The following SLC23A2 variants were observed in gnomAD, a reference collection of about 807,000 sequenced individuals.
SLC23A2 encodes the protein solute carrier family 23 member 2.
A neutral mutation model predicts 73.3 loss-of-function variants in SLC23A2; 36 were observed. The ratio of observed to expected loss-of-function variants is 0.49; its 90% CI spans 0.38 to 0.65. SLC23A2 has a LOEUF of 0.65. Ranked by LOEUF, SLC23A2 falls within the 30% of genes least tolerant of loss-of-function variation. The pLI, the probability that SLC23A2 is intolerant of heterozygous loss-of-function variation, is 0.00. For synonymous variants in SLC23A2, 343 were observed against 327.3 expected, an observed-to-expected ratio of 1.05 and a Z score of -0.52; for missense variants, 507 against 841.6, an observed-to-expected ratio of 0.60 and a Z score of 4.92.
intron 1 of SLC23A2, among the ~76,000 whole-genome samples, chr20:4,984,342 C>G (rs1306082700): frequency 3.3e-5 from 5 of 152,016 alleles, no homozygotes; most frequent in East Asian, 1.9e-4. Context: ...ATCACAAGGT[C>G]AGGAGATCGA....
chr20:5,003,442 A>G (rs1253009606), upstream of SLC23A2, among the ~76,000 whole-genome samples: 1 of 152,116 alleles, frequency 6.6e-6, no homozygotes, highest in African/African-American at 2.4e-5. Context: ...ACCAGCACCC[A>G]GAGAAAAACT....
chr20:4,962,146 T>TAA (rs11407994), intron 2 of SLC23A2, among the ~76,000 whole-genome samples: 20 of 149,890 alleles, frequency 1.3e-4, no homozygotes, highest in South Asian at 8.4e-4. Context: ...GATATTATTT[T>TAA]AAAAAAAAAA....
rs987443006 is a variant in SLC23A2 at position 4,998,244 on chromosome 20, C to A, written c.-282+3162G>T. On this transcript the variant is annotated intron_variant, in intron 1 of 16. Transcript: ENST00000338244. This position sits in a 1 kb window ranked among gnomAD's most constrained non-coding sequence, Gnocchi z 4.1. The stretch of plus-strand genomic sequence containing the variant: ...AGAACCAGATCTCATTGTCCACATC[C>A]CTACAGTGTGGGCTCCATGTGGGCT... Among the ~76,000 whole-genome samples, 1 of 152,132 alleles carries A rather than the reference C, an allele frequency of 6.6e-6. No homozygotes were observed. Among genetic ancestry groups the A allele is most frequent in the African/African-American group, 2.4e-5 (1 of 41,428 alleles).
chr20:4,896,145 C>T (rs1001654790), intron 6 of SLC23A2, among the ~76,000 whole-genome samples: 11 of 152,106 alleles, frequency 7.2e-5, no homozygotes, highest in African/African-American at 2.7e-4. Flanking sequence ...ACATGGGGTG[C>T]AGCAAACGTG....
chr20:5,001,134 G>T (rs1265724456), intron 1 of SLC23A2, among the ~76,000 whole-genome samples: 8 of 151,858 alleles, frequency 5.3e-5, no homozygotes, highest in Admixed American at 4.6e-4. Context: ...GGCGGGAAGG[G>T]GTGGGTACCC....
intron 2 of SLC23A2, among the ~76,000 whole-genome samples, chr20:4,942,958 A>T (rs193044874): frequency 1.1e-3 from 168 of 151,724 alleles, no homozygotes; most frequent in Non-Finnish European, 2.1e-3. Context: ...GGGCACAGTG[A>T]CTCCCAACGC....
At chr20:4,906,890 A>C (rs1199961516) in intron 4 of SLC23A2, among the ~76,000 whole-genome samples, 2 of 152,168 alleles carry the variant, frequency 1.3e-5, no homozygotes, top group Non-Finnish European at 2.9e-5. Context: ...GGGAGAGGGA[A>C]GGAATGCACA....
At chr20:4,903,922 C>T (rs140309891) in intron 4 of SLC23A2, among the ~76,000 whole-genome samples, 8 of 152,244 alleles carry the variant, frequency 5.3e-5, no homozygotes, top group East Asian at 1.9e-4. Flanking sequence ...GTCCAAACCC[C>T]GCACATTTCA....
chr20:4,977,337 T>C (rs1221651692), intron 1 of SLC23A2, among the ~76,000 whole-genome samples: 1 of 152,170 alleles, frequency 6.6e-6, no homozygotes, highest in East Asian at 1.9e-4. Context: ...TTTCTTTTTG[T>C]TTTTCTACTT....
rs187549435 is a variant in SLC23A2 at position 4,983,913 on chromosome 20, G to A, written c.-281-12994C>T. 0.012 allele frequency among the ~76,000 whole-genome samples: 1,861 copies of A among 150,970 alleles called. 55 individuals carry two copies. The South Asian group carries it at 0.14, about 11-fold the overall frequency. On this transcript the variant is annotated intron_variant, in intron 1 of 16. Transcript: ENST00000338244. ...GGAGGTTGCAGTGAGCCAAGATCGC[G>A]CCATTGCACTCCAGCCTGGGCAACA...
Position 4,874,760 on chromosome 20 carries a change from C to T in SLC23A2, c.825-64G>A, listed in dbSNP as rs921861335. On this transcript the variant is annotated intron_variant, in intron 9 of 16. Transcript: ENST00000338244. The stretch of plus-strand genomic sequence containing the variant: ...TATGTCTCTGTTATAAAATAACACT[C>T]GAAGCTTCTATGGCAAAATTGACAT... 39 of 1,385,810 alleles carry T rather than the reference C, an allele frequency of 2.8e-5. No individual in the cohort carries two copies. In the Admixed American group the frequency reaches 7.8e-4, roughly 28 times the overall value. The allele number at this position is 1,385,810 out of a possible 1,614,324, so 85.8% of individuals were successfully genotyped here.
intron 1 of SLC23A2, among the ~76,000 whole-genome samples, chr20:4,978,472 C>T (rs2087678057): frequency 6.6e-6 from 1 of 152,140 alleles, no homozygotes; most frequent in Non-Finnish European, 1.5e-5. Flanking sequence ...CTAGAAATGG[C>T]TAAGCCTGGG....
intron 4 of SLC23A2, among the ~76,000 whole-genome samples, chr20:4,907,029 C>T (rs1412034418): frequency 5.9e-5 from 9 of 152,164 alleles, no homozygotes; most frequent in Non-Finnish European, 1.2e-4. Context: ...ACTCCGCAAA[C>T]TGGTCAGACA....
At chr20:4,861,705 A>G (rs944787800) in intron 15 of SLC23A2, among the ~76,000 whole-genome samples, 4 of 152,230 alleles carry the variant, frequency 2.6e-5, no homozygotes, top group African/African-American at 9.6e-5. Flanking sequence ...GCATTCTCCC[A>G]AAGGAGAGGG....
At chr20:4,859,444 A>T in intron 15 of SLC23A2, 60 bp from the exon 16 acceptor site, 1 of 1,109,716 alleles carries the variant, frequency 9.0e-7, no homozygotes, top group Non-Finnish European at 1.4e-6. Flanking sequence ...CCTGCCCTTG[A>T]CTTGGGAAGG....
At chr20:4,903,557 T>C (rs1232224515) in intron 4 of SLC23A2, among the ~76,000 whole-genome samples, 3 of 152,210 alleles carry the variant, frequency 2.0e-5, no homozygotes, top group Non-Finnish European at 4.4e-5. Flanking sequence ...AAAATGCTGA[T>C]TCCATGTGTT....
At chr20:4,925,068 A>G (rs1427619993) in intron 3 of SLC23A2, among the ~76,000 whole-genome samples, 1 of 152,102 alleles carries the variant, frequency 6.6e-6, no homozygotes, top group Non-Finnish European at 1.5e-5. Flanking sequence ...GCCATATTTC[A>G]GCTACTCAGG....
chr20:4,986,345 A>AT (rs1478183854), intron 1 of SLC23A2, among the ~76,000 whole-genome samples: 2 of 151,734 alleles, frequency 1.3e-5, no homozygotes, highest in Non-Finnish European at 1.5e-5. Flanking sequence ...AAACCTTTTT[A>AT]TTTTTTTGCC....
Position 4,912,943 on chromosome 20 carries a change from C to T in SLC23A2, c.144G>A (p.Glu48=). Residue 48 remains glutamate (E), a synonymous_variant, in exon 4 of 17, where the codon GAG becomes GAA. Coordinates refer to ENST00000338244, the MANE Select transcript of SLC23A2 (RefSeq NM_005116.6). ...TGAGCTCAGTGTCCTCATTGTCCTG[C>T]TCACCGCTGGAGGTGGCGCCTCCAT... ...VINGGATSSG[E]QDNEDTELMA... is the part of the protein sequence containing the mutation. The T allele has an allele frequency of 6.2e-7, 1 of 1,612,862 alleles. No homozygotes were observed. Among genetic ancestry groups the T allele is most frequent in the Non-Finnish European group, 8.5e-7 (1 of 1,179,406 alleles).
Sources: allele counts gnomAD v4.1 joint callset (sites outside exome capture counted in the v4.1 genomes callset), GRCh38; gene constraint gnomAD v4.1.1; non-coding constraint Gnocchi (gnomAD v3.1); transcripts MANE v1.5; gene names NCBI Gene and HGNC (gene_info 2026-07-23, HGNC 2026-07-21).